The following ZBTB34 variants were observed in gnomAD, a reference collection of about 807,000 sequenced individuals.
The protein encoded by ZBTB34 is zinc finger and BTB domain-containing protein 34.
ZBTB34 carries 1 observed loss-of-function variant against 33.4 expected under a neutral mutation model. The ratio of observed to expected loss-of-function variants is 0.03; its 90% CI spans 0.01 to 0.14. The LOEUF (loss-of-function observed/expected upper bound fraction) is 0.14. Among genes scored for constraint, ZBTB34 ranks in the 10% least tolerant of loss-of-function variants. ZBTB34 has a pLI of 1.00. For synonymous variants in ZBTB34, 283 were observed against 253.5 expected, an observed-to-expected ratio of 1.12 and a Z score of -1.11; for missense variants, 406 against 657.2, an observed-to-expected ratio of 0.62 and a Z score of 4.18.
In ZBTB34 at chr9:126,869,265, G is replaced by A. The variant is rs143361892; in HGVS notation, c.-11+8526G>A. The stretch of plus-strand genomic sequence containing the variant: ...CAGGAATGTAACACAGGTCCAGCTC[G>A]CTAGGGATAAGGGGTTGTTGTATAG... On this transcript the variant is annotated intron_variant, in intron 1 of 1. Coordinates refer to ENST00000319119, the Ensembl canonical transcript of ZBTB34. Among the ~76,000 whole-genome samples, 532 of 143,334 alleles carry A rather than the reference G, an allele frequency of 3.7e-3. 4 individuals carry two copies. Among genetic ancestry groups the A allele is most frequent in the African/African-American group, 0.013 (494 of 37,864 alleles). 94.0% of individuals were successfully genotyped at this position (143,334 alleles called of 152,430 possible).
intron 1 of ZBTB34, among the ~76,000 whole-genome samples, chr9:126,870,254 T>C (rs1462891166): frequency 2.0e-5 from 3 of 152,190 alleles, no homozygotes; most frequent in South Asian, 2.1e-4. Context: ...CTCTGCATTA[T>C]CAAAAATGAA....
chr9:126,867,320 G>T (rs1404400883), intron 1 of ZBTB34, among the ~76,000 whole-genome samples: 2 of 151,864 alleles, frequency 1.3e-5, no homozygotes, highest in Non-Finnish European at 2.9e-5. Context: ...ACACTTGCCA[G>T]CTCTTTTAAA....
At chr9:126,865,249 G>A (rs1224823051) in intron 1 of ZBTB34, among the ~76,000 whole-genome samples, 1 of 152,218 alleles carries the variant, frequency 6.6e-6, no homozygotes, top group Non-Finnish European at 1.5e-5. Flanking sequence ...AGAGCTGAGG[G>A]TGCGGCTGTA....
At chr9:126,872,382 C>A (rs918798606) in intron 1 of ZBTB34, among the ~76,000 whole-genome samples, 1 of 152,184 alleles carries the variant, frequency 6.6e-6, no homozygotes, top group Non-Finnish European at 1.5e-5. Flanking sequence ...CCACTCTACT[C>A]CAGCCTGGGT....
chr9:126,884,849 C>T (rs1194043919), exon 2 of ZBTB34: 2 of 166,978 alleles, frequency 1.2e-5, no homozygotes, highest in African/African-American at 2.4e-5. Context: ...TTGTTGTCCT[C>T]GTTATTGTTA....
In ZBTB34 at chr9:126,880,876, C is replaced by G; in HGVS notation, c.1477C>G (p.Arg493Gly). 1.3e-5 allele frequency: 21 copies of G among 1,612,678 alleles called. No homozygotes were observed. The highest frequency in any genetic ancestry group is 1.8e-5 in the Non-Finnish European group (21 of 1,179,610). ...GGCCTCAGAGATGGGCCTAGATTCCCGGATGGAAATTCACACAGTGTCTGA... is the reference window on the plus strand; with the variant it reads ...GGCCTCAGAGATGGGCCTAGATTCCGGGATGGAAATTCACACAGTGTCTGA... Residue 493 changes from arginine to glycine, a missense_variant, in exon 2 of 2, where the codon CGG (arginine) becomes GGG (glycine). Arg to Gly is a moderately radical substitution (Grantham distance 125). Transcript: ENST00000319119. The surrounding 1 kb of genome is among the most constrained non-coding windows in gnomAD (Gnocchi z 6.7).
At chr9:126,874,546 A>C (rs2033329299) in intron 1 of ZBTB34, among the ~76,000 whole-genome samples, 1 of 152,046 alleles carries the variant, frequency 6.6e-6, no homozygotes, top group Non-Finnish European at 1.5e-5. Context: ...GAAGGATCTA[A>C]ATTTATTATT....
At chr9:126,884,079 A>G (rs2033485151) in exon 2 of ZBTB34, 1 of 167,102 alleles carries the variant, frequency 6.0e-6, no homozygotes. Context: ...GAAATCAATT[A>G]AGATAAAGTG....
At chr9:126,872,066 C>A (rs1356560869) in intron 1 of ZBTB34, among the ~76,000 whole-genome samples, 1 of 152,038 alleles carries the variant, frequency 6.6e-6, no homozygotes, top group Non-Finnish European at 1.5e-5. Flanking sequence ...CGATACTCAG[C>A]CTCCCGAGTA....
chr9:126,885,113 C>G (rs1356865301), exon 2 of ZBTB34: 1 of 167,008 alleles, frequency 6.0e-6, no homozygotes, highest in Non-Finnish European at 1.5e-5. Context: ...TCACATTGTT[C>G]CAAATTTGTA....
At chr9:126,875,992 G>T (rs1564224199) in intron 1 of ZBTB34, among the ~76,000 whole-genome samples, 2 of 151,788 alleles carry the variant, frequency 1.3e-5, no homozygotes, top group African/African-American at 2.4e-5. Flanking sequence ...AAACTGCTGA[G>T]TTAAGCAGGA....
exon 2 of ZBTB34, chr9:126,883,234 G>A (rs1418205260): frequency 9.0e-5 from 15 of 166,724 alleles, no homozygotes; most frequent in Non-Finnish European, 2.1e-4. Flanking sequence ...TTTGTGTTGT[G>A]ATACAAATTA....
exon 2 of ZBTB34, chr9:126,881,204 C>A: frequency 2.8e-6 from 1 of 362,536 alleles, no homozygotes; most frequent in South Asian, 3.4e-5. Context: ...GCTATGCCAA[C>A]TGGTTGACCC....
At chr9:126,882,591 A>G (rs1242632023) in exon 2 of ZBTB34, 1 of 167,150 alleles carries the variant, frequency 6.0e-6, no homozygotes, top group African/African-American at 2.4e-5. Flanking sequence ...GTGGGATGTC[A>G]GCGTTCTGGT....
chr9:126,880,692 A>C lies in ZBTB34; in HGVS notation c.1293A>C (p.Pro431=). Residue 431 remains proline, a synonymous_variant, in exon 2 of 2, where the codon CCA becomes CCC. Coordinates refer to ENST00000319119, the Ensembl canonical transcript of ZBTB34. This position sits in a 1 kb window ranked among gnomAD's most constrained non-coding sequence, Gnocchi z 6.7. The stretch of plus-strand genomic sequence containing the variant: ...TCCGGGGCCATACAGATGATAAACC[A>C]TTCCGCTGTGAGATCTGCGGGAAGT... 2 of 1,613,872 alleles carry C rather than the reference A, an allele frequency of 1.2e-6. No homozygotes were observed. Among genetic ancestry groups the C allele is most frequent in the Non-Finnish European group, 1.7e-6 (2 of 1,179,912 alleles).
intron 1 of ZBTB34, among the ~76,000 whole-genome samples, chr9:126,871,581 C>T (rs777551227): frequency 2.6e-5 from 4 of 151,850 alleles, no homozygotes; most frequent in African/African-American, 4.8e-5. Context: ...CTGCCCACCT[C>T]GGCCTCCCAA....
At chr9:126,861,263 G>A (rs1013498660) in intron 1 of ZBTB34, among the ~76,000 whole-genome samples, 1 of 152,320 alleles carries the variant, frequency 6.6e-6, no homozygotes, top group South Asian at 2.1e-4. Flanking sequence ...GACGGGTTGC[G>A]CTTGGCCCCA....
chr9:126,861,361 C>A (rs919530940), intron 1 of ZBTB34, among the ~76,000 whole-genome samples: 6 of 152,226 alleles, frequency 3.9e-5, no homozygotes, highest in Non-Finnish European at 5.9e-5. Flanking sequence ...CAGTGCCCTT[C>A]TAGGCCAAGT....
chr9:126,878,236 G>A (rs1278033347), intron 1 of ZBTB34, among the ~76,000 whole-genome samples: 1 of 151,784 alleles, frequency 6.6e-6, no homozygotes, highest in Admixed American at 6.6e-5. Flanking sequence ...TTGGGAGGCC[G>A]AGGGGAGCAG....
Sources: gnomAD v4.1 joint callset for allele counts (sites outside exome capture counted in the v4.1 genomes callset) on GRCh38, gnomAD v4.1.1 for gene constraint, Gnocchi (gnomAD v3.1) non-coding constraint, MANE v1.5 for transcripts, NCBI Gene and HGNC (gene_info 2026-07-23, HGNC 2026-07-21) for gene names.